The following FRMD5 variants were observed in gnomAD, a reference collection of about 807,000 sequenced individuals.
FRMD5 encodes FERM domain-containing protein 5.
FRMD5 carries 20 observed loss-of-function variants against 69.0 expected under a neutral mutation model. The ratio of observed to expected loss-of-function variants is 0.29; its 90% CI spans 0.20 to 0.42. The LOEUF (loss-of-function observed/expected upper bound fraction) is 0.42, where lower values mean the gene tolerates loss of function less well. Ranked by LOEUF, FRMD5 falls within the 10% of genes least tolerant of loss-of-function variation. FRMD5 has a pLI of 1.00. For missense variants in FRMD5, 595 were observed against 708.6 expected (o/e 0.84, Z 1.82); for synonymous variants, 271 against 260.1 (o/e 1.04, Z -0.40).
Position 44,195,219 on chromosome 15 carries a change from C to T in FRMD5, c.-165G>A, listed in dbSNP as rs1171021704. 7.2e-6 allele frequency: 4 copies of T among 555,302 alleles called. No homozygotes were observed. Among genetic ancestry groups the T allele is most frequent in the South Asian group, 4.5e-5 (2 of 44,612 alleles). The allele number at this position is 555,302 out of a possible 1,614,324, so 34.4% of individuals were successfully genotyped here. A position where few individuals can be genotyped will look rare whatever the true frequency, so the allele number is the denominator to read the frequency against. On this transcript the variant is annotated 5_prime_UTR_variant, in exon 1 of 14. Transcript: ENST00000417257. ...CCTCGTTCCTCCTCCTTATCCTCCT[C>T]CTTCCCTCAGCCGCCACCGCCTCCC...
At chr15:43,875,348 C>CAA (rs1202161221) in intron 13 of FRMD5, among the ~76,000 whole-genome samples, 937 of 46,674 alleles carry the variant, frequency 0.02, 52 homozygotes, top group African/African-American at 0.04. Flanking sequence ...AAGACTGTCT[C>CAA]AAAAAAAAAA....
At chr15:44,195,848 G>A (rs891418336), upstream of FRMD5, among the ~76,000 whole-genome samples, 4 of 152,200 alleles carry the variant, frequency 2.6e-5, no homozygotes, top group African/African-American at 9.6e-5. Context: ...AGGTTCTGAA[G>A]TACCCAGGTT....
rs376004230 is a variant in FRMD5, at chr15:43,873,867, G to A, written c.*18C>T. The A allele has an allele frequency of 9.6e-5, 154 of 1,609,994 alleles. No individual in the cohort carries two copies. The highest frequency in any genetic ancestry group is 1.3e-4 in the Non-Finnish European group (151 of 1,177,228). ...TCCTTGGTCCACCTGGCTAGTTTTT[G>A]GGAGGAGTCATGCCTTCTCAGGTGT... On this transcript the variant is annotated 3_prime_UTR_variant, in exon 14 of 14. Transcript: ENST00000417257.
At chr15:44,169,838 A>T (rs1327338751) in intron 1 of FRMD5, among the ~76,000 whole-genome samples, 1 of 152,208 alleles carries the variant, frequency 6.6e-6, no homozygotes. Flanking sequence ...ATACTTAGGT[A>T]TAATACTACT....
At chr15:43,898,478 T>G (rs1299239929) in intron 7 of FRMD5, among the ~76,000 whole-genome samples, 1 of 152,202 alleles carries the variant, frequency 6.6e-6, no homozygotes, top group Non-Finnish European at 1.5e-5. Flanking sequence ...AGACTCTCAA[T>G]AAATGGTATC....
At chr15:43,989,875 A>T in intron 1 of FRMD5, 2 of 1,044,568 alleles carry the variant, frequency 1.9e-6, no homozygotes, top group South Asian at 2.5e-5. Flanking sequence ...GGTCAGCAGC[A>T]TGGGGTGCTC....
intron 1 of FRMD5, among the ~76,000 whole-genome samples, chr15:44,035,420 C>G (rs1891863225): frequency 6.6e-6 from 1 of 152,168 alleles, no homozygotes; most frequent in African/African-American, 2.4e-5. Flanking sequence ...TGTAAAGAAG[C>G]AACACGTCAG....
At chr15:44,179,912 G>A (rs886192845) in intron 1 of FRMD5, among the ~76,000 whole-genome samples, 1 of 152,134 alleles carries the variant, frequency 6.6e-6, no homozygotes, top group Admixed American at 6.6e-5. Context: ...AGTGGTGTGT[G>A]CCTATAATCC....
At chr15:44,119,468 A>C (rs2076916506) in intron 1 of FRMD5, among the ~76,000 whole-genome samples, 1 of 152,092 alleles carries the variant, frequency 6.6e-6, no homozygotes, top group South Asian at 2.1e-4. Flanking sequence ...TCCAAAGTTT[A>C]AACTTTATTT....
chr15:44,168,582 C>T lies in FRMD5; in HGVS notation c.102+26371G>A, dbSNP rs188520629. Among the ~76,000 whole-genome samples the T allele has an allele frequency of 4.0e-3, 600 of 151,800 alleles. 5 individuals are homozygous for T. The highest frequency in any genetic ancestry group is 0.014 in the African/African-American group (561 of 41,126). On this transcript the variant is annotated intron_variant, in intron 1 of 13. Transcript: ENST00000417257. Reference sequence around the variant, plus strand: ...ACAATTACTTGATGTAAAAACTTTTCTTTAACAACTCTACTTTCTGAAAGT... The same window carrying T: ...ACAATTACTTGATGTAAAAACTTTTTTTTAACAACTCTACTTTCTGAAAGT...
At chr15:44,081,882 A>G (rs1894011175) in intron 1 of FRMD5, among the ~76,000 whole-genome samples, 1 of 152,094 alleles carries the variant, frequency 6.6e-6, no homozygotes, top group South Asian at 2.1e-4. Context: ...TCCATCTGCT[A>G]CATATAGACA....
At chr15:44,074,841 C>T (rs1893691441) in intron 1 of FRMD5, among the ~76,000 whole-genome samples, 1 of 152,150 alleles carries the variant, frequency 6.6e-6, no homozygotes, top group Non-Finnish European at 1.5e-5. Flanking sequence ...TACAATACCT[C>T]CTGCCTGCTT....
At chr15:44,144,536 T>C (rs1323731397) in intron 1 of FRMD5, among the ~76,000 whole-genome samples, 1 of 152,062 alleles carries the variant, frequency 6.6e-6, no homozygotes, top group African/African-American at 2.4e-5. Context: ...CCAGAGGACT[T>C]TGTGGTTCAG....
At chr15:43,879,870 A>G (rs1367714641) in intron 13 of FRMD5, 2 of 384,066 alleles carry the variant, frequency 5.2e-6, no homozygotes, top group Non-Finnish European at 9.2e-6. Flanking sequence ...CAAGCTTCAC[A>G]TCAGGCTGAA....
intron 1 of FRMD5, among the ~76,000 whole-genome samples, chr15:43,996,056 G>C (rs1334083714): frequency 2.0e-5 from 3 of 152,192 alleles, no homozygotes; most frequent in Non-Finnish European, 4.4e-5. Flanking sequence ...TGGTGCCTGA[G>C]GCCTAGGCTT....
rs951993167 is a variant in FRMD5, at chr15:43,873,699, T to G, written c.*186A>C. On this transcript the variant is annotated 3_prime_UTR_variant, in exon 14 of 14. Transcript: ENST00000417257. ...AGAAAATGAGTTTTCCCAGTTTGTT[T>G]AGACAGGGCATGAGCCTATCCCTTT... The G allele has an allele frequency of 5.9e-6, 9 of 1,515,096 alleles. No individual in the cohort carries two copies. The African/African-American group carries it at 1.3e-4, about 21-fold the overall frequency. 93.9% of individuals were successfully genotyped at this position (1,515,096 alleles called of 1,614,324 possible).
chr15:44,048,282 G>C (rs2412855), intron 1 of FRMD5, among the ~76,000 whole-genome samples: 1 of 152,030 alleles, frequency 6.6e-6, no homozygotes, highest in Admixed American at 6.5e-5. Flanking sequence ...GTATCTCACT[G>C]TCGTTTTGAT....
intron 1 of FRMD5, among the ~76,000 whole-genome samples, chr15:44,176,423 A>C (rs1253093044): frequency 6.6e-6 from 1 of 152,166 alleles, no homozygotes; most frequent in Non-Finnish European, 1.5e-5. Flanking sequence ...AACACTATAC[A>C]ACTCCTAGAA....
At chr15:43,968,929 A>T (rs566688814) in intron 1 of FRMD5, among the ~76,000 whole-genome samples, 4 of 152,260 alleles carry the variant, frequency 2.6e-5, no homozygotes, top group African/African-American at 9.6e-5. Flanking sequence ...TTGTTATTTT[A>T]TTCTGAATTT....
Sources: gnomAD v4.1 joint callset for allele counts (sites outside exome capture counted in the v4.1 genomes callset) on GRCh38, gnomAD v4.1.1 for gene constraint, MANE v1.5 for transcripts, NCBI Gene and HGNC (gene_info 2026-07-23, HGNC 2026-07-21) for gene names.